Variants in THOC5 observed in about 807,000 individuals in gnomAD.
THOC5 encodes THO complex subunit 5.
Under a neutral mutation model 92.9 loss-of-function variants are expected in THOC5, and 43 were observed. The ratio of observed to expected loss-of-function variants is 0.46; its 90% CI spans 0.36 to 0.60. THOC5 has a LOEUF of 0.60. Ranked by LOEUF, THOC5 falls within the 20% of genes least tolerant of loss-of-function variation. THOC5 has a pLI of 0.00. For missense variants in THOC5, 659 were observed against 849.4 expected (o/e 0.78, Z 2.79); for synonymous variants, 296 against 320.1 (o/e 0.92, Z 0.80).
rs1330976788 is a variant in THOC5 at position 29,507,203 on chromosome 22, C to G, written c.*1254G>C. ...TAAAAATAACAGTGGTGCCTGCCTC[C>G]CCCTCCACCTCCCCCACTTTTTCTG... On this transcript the variant is annotated 3_prime_UTR_variant, in exon 20 of 20. Coordinates refer to ENST00000490103, the MANE Select transcript of THOC5 (RefSeq NM_003678.5). 5 of 152,106 alleles carry G rather than the reference C, an allele frequency of 3.3e-5. No individual in the cohort carries two copies. The highest frequency in any genetic ancestry group is 1.3e-4 in the Admixed American group (2 of 15,222). The allele number at this position is 152,106 out of a possible 1,614,324, so 9.4% of individuals were successfully genotyped here.
intron 12 of THOC5, among the ~76,000 whole-genome samples, chr22:29,521,416 C>A (rs2063438758): frequency 6.6e-6 from 1 of 152,148 alleles, no homozygotes; most frequent in Non-Finnish European, 1.5e-5. Context: ...TACTCTTAAT[C>A]ATTAATTTTT....
intron 7 of THOC5, chr22:29,536,372 A>G: frequency 2.2e-6 from 1 of 457,832 alleles, no homozygotes; most frequent in Non-Finnish European, 3.9e-6. Flanking sequence ...ACACAGTCTG[A>G]GAAAGTACGT....
chr22:29,524,986 G>A (rs147346560), intron 12 of THOC5, among the ~76,000 whole-genome samples: 2 of 152,276 alleles, frequency 1.3e-5, no homozygotes, highest in Admixed American at 6.5e-5. Context: ...AGAATGCCAT[G>A]ATTGGGCCAG....
At chr22:29,531,703 G>A (rs2063658297) in intron 8 of THOC5, 128 bp downstream of exon 8, 6 of 1,480,898 alleles carry the variant, frequency 4.1e-6, no homozygotes, top group Non-Finnish European at 5.4e-6. Flanking sequence ...AGGGAAGAAA[G>A]CTTCTGTCAC....
intron 17 of THOC5, among the ~76,000 whole-genome samples, chr22:29,515,529 G>A (rs190921595): frequency 4.8e-4 from 73 of 152,040 alleles, no homozygotes; most frequent in Non-Finnish European, 8.2e-4. Context: ...GTTGTTTAGG[G>A]ATGAGATAAA....
In THOC5 at chr22:29,536,485, G is replaced by T. The variant is rs893698010; in HGVS notation, c.714+139C>A. The T allele has an allele frequency of 8.2e-6, 5 of 612,682 alleles. No homozygotes were observed. The African/African-American group carries it at 9.2e-5, about 11-fold the overall frequency. 38.0% of individuals were successfully genotyped at this position (612,682 alleles called of 1,614,324 possible). A position where few individuals can be genotyped will look rare whatever the true frequency, so the allele number is the denominator to read the frequency against. On this transcript the variant is annotated intron_variant, in intron 7 of 19. Coordinates refer to ENST00000490103, the MANE Select transcript of THOC5 (RefSeq NM_003678.5). Reference sequence around the variant, plus strand: ...CAGACACAAGCTTATCACACCAACTGGGTAGGGATGCAGACAAGGCCATCC... The same window carrying T: ...CAGACACAAGCTTATCACACCAACTTGGTAGGGATGCAGACAAGGCCATCC...
intron 17 of THOC5, among the ~76,000 whole-genome samples, chr22:29,514,709 T>G (rs2063299851): frequency 6.6e-6 from 1 of 150,816 alleles, no homozygotes; most frequent in South Asian, 2.1e-4. Flanking sequence ...AAAATATATA[T>G]ATATATATTT....
rs1331702677 is a variant in THOC5, at chr22:29,508,317, A to G, written c.*140T>C. The G allele has an allele frequency of 1.2e-6, 1 of 860,632 alleles. No individual in the cohort carries two copies. The highest frequency in any genetic ancestry group is 1.8e-6 in the Non-Finnish European group (1 of 554,668). 53.3% of individuals were successfully genotyped at this position (860,632 alleles called of 1,614,324 possible). On this transcript the variant is annotated 3_prime_UTR_variant, in exon 20 of 20. Transcript: ENST00000490103. ...AGCCACCTTGCCAGGAACCACAGAC[A>G]AAGGCCACTGGTCAGGTGACGCTTT...
chr22:29,544,332 C>A lies in THOC5; in HGVS notation c.240+128G>T, dbSNP rs559273615. The A allele has an allele frequency of 4.1e-6, 4 of 969,288 alleles. No individual in the cohort carries two copies. In the East Asian group the frequency reaches 1.1e-4, roughly 28 times the overall value. 60.0% of individuals were successfully genotyped at this position (969,288 alleles called of 1,614,324 possible). A position where few individuals can be genotyped will look rare whatever the true frequency, so the allele number is the denominator to read the frequency against. On this transcript the variant is annotated intron_variant, in intron 3 of 19. Coordinates refer to ENST00000490103, the MANE Select transcript of THOC5 (RefSeq NM_003678.5). ...AATAAATTCACAGGTTTTGGGAGCC[C>A]TCAGGCTCCAATCACCTGATCATGG...
chr22:29,552,830 C>T (rs1229237173), intron 1 of THOC5, among the ~76,000 whole-genome samples: 1 of 152,152 alleles, frequency 6.6e-6, no homozygotes, highest in South Asian at 2.1e-4. Context: ...ATAGAGAAAT[C>T]GGATTGTTGC....
intron 1 of THOC5, among the ~76,000 whole-genome samples, chr22:29,552,303 C>A (rs2064171535): frequency 6.7e-6 from 1 of 149,940 alleles, no homozygotes; most frequent in Admixed American, 6.6e-5. Context: ...AAGTGAGGAG[C>A]ACCTCTTCCC....
intron 19 of THOC5, among the ~76,000 whole-genome samples, chr22:29,510,561 A>G (rs890171013): frequency 1.9e-4 from 29 of 152,174 alleles, no homozygotes; most frequent in Admixed American, 7.2e-4. Flanking sequence ...GGCTATGATC[A>G]TGCTGCTGCA....
At chr22:29,539,618 A>C in intron 5 of THOC5, 142 bp from the exon 6 acceptor site, 12 of 842,398 alleles carry the variant, frequency 1.4e-5, no homozygotes, top group Non-Finnish European at 2.1e-5. Flanking sequence ...ACAAATGCTC[A>C]TTAGCAGATA....
chr22:29,531,755 A>G, intron 8 of THOC5, 76 bp downstream of exon 8: 2 of 1,547,132 alleles, frequency 1.3e-6, no homozygotes, highest in Non-Finnish European at 1.7e-6. Context: ...CTGAGCAGGT[A>G]CTGCTTCCAA....
intron 8 of THOC5, chr22:29,531,447 G>T: frequency 9.9e-7 from 1 of 1,015,110 alleles, no homozygotes; most frequent in Non-Finnish European, 1.2e-6. Flanking sequence ...AAGCCTGGGA[G>T]AGCTGGCTGA....
intron 1 of THOC5, among the ~76,000 whole-genome samples, chr22:29,551,350 C>T (rs1223457773): frequency 6.6e-6 from 1 of 152,132 alleles, no homozygotes; most frequent in Non-Finnish European, 1.5e-5. Context: ...AGGAGAATCA[C>T]TTGAACCCAG....
rs556124351 is a variant in THOC5, at chr22:29,519,655, G to A, written c.1374+353C>T. Among the ~76,000 whole-genome samples the A allele has an allele frequency of 6.2e-5, 9 of 145,814 alleles. 1 individual carries two copies. Among genetic ancestry groups the A allele is most frequent in the South Asian group, 2.1e-4 (1 of 4,652 alleles). On this transcript the variant is annotated intron_variant, in intron 14 of 19. Transcript: ENST00000490103. ...AGGCCTTTTTTTTTTTTTTTGAGAC[G>A]GAGTTTTGCTCTTGTTGCCCAGGCT...
At chr22:29,539,196 G>GTGA in intron 6 of THOC5, 134 bp downstream of exon 6, 1 of 889,644 alleles carries the variant, frequency 1.1e-6, no homozygotes, top group East Asian at 2.6e-5. Flanking sequence ...ACTATCCAGT[G>GTGA]TGATTTAATC....
intron 3 of THOC5, among the ~76,000 whole-genome samples, chr22:29,543,836 T>C (rs181755294): frequency 3.9e-5 from 6 of 152,246 alleles, no homozygotes; most frequent in African/African-American, 1.2e-4. Context: ...ATCCCAGCAA[T>C]AGTAACATCT....
Sources: allele counts gnomAD v4.1 joint callset (sites outside exome capture counted in the v4.1 genomes callset), GRCh38; gene constraint gnomAD v4.1.1; transcripts MANE v1.5; gene names NCBI Gene and HGNC (gene_info 2026-07-23, HGNC 2026-07-21).